The following ATP2B2 variants were observed in gnomAD, a reference collection of about 807,000 sequenced individuals.
ATP2B2 encodes the protein plasma membrane calcium-transporting ATPase 2.
Under a neutral mutation model 120.0 loss-of-function variants are expected in ATP2B2, and 15 were observed. That is an observed-to-expected ratio of 0.12 (90% CI 0.08 to 0.19). ATP2B2 has a LOEUF of 0.19. Ranked by LOEUF, ATP2B2 falls within the 10% of genes least tolerant of loss-of-function variation. The probability of loss-of-function intolerance (pLI) is 1.00; values close to 1 mark genes in which losing one functional copy is unlikely to be tolerated. For synonymous variants in ATP2B2, 694 were observed against 700.3 expected (o/e 0.99, Z 0.14); for missense variants, 1,045 against 1,719.8 (o/e 0.61, Z 6.94).
chr3:10,527,229 T>C (rs941565157), intron 3 of ATP2B2, among the ~76,000 whole-genome samples: 2 of 152,178 alleles, frequency 1.3e-5, no homozygotes, highest in African/African-American at 4.8e-5. Flanking sequence ...AGGGGGCAGC[T>C]CAGAGCTAGC....
intron 1 of ATP2B2, among the ~76,000 whole-genome samples, chr3:10,501,371 CGG>C (rs1491477731): frequency 0.057 from 6,655 of 117,008 alleles, 552 homozygotes; most frequent in African/African-American, 0.19. Flanking sequence ...ATTTTTTAAA[CGG>C]TTTTTTTTTT....
In ATP2B2 at chr3:10,401,593, G is replaced by C. The variant is rs572117864; in HGVS notation, c.655+498C>G. On this transcript the variant is annotated intron_variant, in intron 4 of 22. Transcript: ENST00000360273. ...ACATATCTGGCTCAAACTCCCTTTG[G>C]TGCCAGCCTGCCCGTTTTCTCCATG... Among the ~76,000 whole-genome samples the C allele has an allele frequency of 7.2e-5, 11 of 152,232 alleles. No individual in the cohort carries two copies. In the East Asian group the frequency reaches 2.1e-3, roughly 29 times the overall value.
At chr3:10,476,384 A>G (rs191272370) in intron 1 of ATP2B2, among the ~76,000 whole-genome samples, 352 of 152,384 alleles carry the variant, frequency 2.3e-3, no homozygotes, top group Admixed American at 4.0e-3. Flanking sequence ...AAGGCCTAGT[A>G]GGACCAAGTC....
chr3:10,416,039 C>G (rs1156259197), intron 2 of ATP2B2, among the ~76,000 whole-genome samples: 2 of 152,144 alleles, frequency 1.3e-5, no homozygotes, highest in Non-Finnish European at 2.9e-5. Flanking sequence ...GCTGGGGAAA[C>G]CCAAGCACAG....
intron 6 of ATP2B2, among the ~76,000 whole-genome samples, chr3:10,386,844 A>T (rs983532629): frequency 5.9e-5 from 9 of 152,174 alleles, no homozygotes. Context: ...ATCTCACAGG[A>T]GTGCAGGTGC....
chr3:10,379,061 A>G (rs2061457475), intron 9 of ATP2B2, among the ~76,000 whole-genome samples, 182 bp downstream of exon 9: 1 of 152,074 alleles, frequency 6.6e-6, no homozygotes, highest in Non-Finnish European at 1.5e-5. Flanking sequence ...TCACCGGTGG[A>G]CACCTCTTTA....
intron 3 of ATP2B2, among the ~76,000 whole-genome samples, chr3:10,529,048 AG>A (rs1401008426): frequency 6.6e-6 from 1 of 152,232 alleles, no homozygotes; most frequent in Non-Finnish European, 1.5e-5. Flanking sequence ...ATCCCAGCCA[AG>A]CGGGGGTGAT....
chr3:10,693,361 T>A (rs2071697819), intron 1 of ATP2B2, among the ~76,000 whole-genome samples: 1 of 152,188 alleles, frequency 6.6e-6, no homozygotes, highest in Admixed American at 6.5e-5. Flanking sequence ...TCTACTCTTT[T>A]CCCTAGCAGA....
rs758884069 is a variant in ATP2B2 at position 10,328,907 on chromosome 3, G to A, written c.3639C>T (p.Ile1213=). ...PSSLNKNNSA[I]DSGINLTTDT... Reference sequence around the variant, plus strand: ...CGGTCGTCAGGTTGATCCCACTGTCGATGGCGCTGTTGTTCTTGTTGAGGG... The same window carrying A: ...CGGTCGTCAGGTTGATCCCACTGTCAATGGCGCTGTTGTTCTTGTTGAGGG... The change falls in exon 23 of 23, where the codon ATC becomes ATT. Residue 1213 remains isoleucine (I), a synonymous_variant. Coordinates refer to ENST00000360273, the MANE Select transcript of ATP2B2 (RefSeq NM_001001331.4). 37 of 1,613,800 alleles carry A rather than the reference G, an allele frequency of 2.3e-5. No individual in the cohort carries two copies. The highest frequency in any genetic ancestry group is 6.7e-5 in the African/African-American group (5 of 74,826).
chr3:10,616,284 C>T (rs2069383832), intron 2 of ATP2B2, among the ~76,000 whole-genome samples: 1 of 152,200 alleles, frequency 6.6e-6, no homozygotes, highest in African/African-American at 2.4e-5. Flanking sequence ...CTTATTCAAT[C>T]TGACTGGTGT....
chr3:10,350,722 C>T, intron 14 of ATP2B2, 145 bp from the exon 15 acceptor site: 2 of 830,888 alleles, frequency 2.4e-6, no homozygotes, highest in Non-Finnish European at 3.7e-6. Context: ...ACGCACATGG[C>T]ATATGGGCCA....
intron 3 of ATP2B2, among the ~76,000 whole-genome samples, chr3:10,533,809 A>G (rs1410939462): frequency 6.6e-6 from 1 of 152,110 alleles, no homozygotes; most frequent in African/African-American, 2.4e-5. Context: ...TTCCTCCTCC[A>G]CAGTCTACAC....
intron 2 of ATP2B2, among the ~76,000 whole-genome samples, chr3:10,420,628 C>T (rs1454019149): frequency 2.0e-5 from 3 of 152,238 alleles, no homozygotes; most frequent in Non-Finnish European, 4.4e-5. Flanking sequence ...TCCCAAAGTG[C>T]TGGGATTACA....
Position 10,328,628 on chromosome 3 carries a change from G to C in ATP2B2, c.*186C>G. ...GCCCCTTGCCTTGAAGTGAAAAAGA[G>C]TTCAAACAGCATCGCAGCCAGAGAA... On this transcript the variant is annotated 3_prime_UTR_variant, in exon 23 of 23. Transcript: ENST00000360273. 1.5e-6 allele frequency: 1 copy of C among 663,212 alleles called. No homozygotes were observed. The highest frequency in any genetic ancestry group is 2.5e-6 in the Non-Finnish European group (1 of 397,680). 41.1% of individuals were successfully genotyped at this position (663,212 alleles called of 1,614,324 possible).
rs71055819 is a variant in ATP2B2 at position 10,440,100 on chromosome 3, TAAAAAAAAAAAAA to T, written c.199+9232_199+9244del. On this transcript the variant is annotated intron_variant, in intron 2 of 22. Coordinates refer to ENST00000360273, the MANE Select transcript of ATP2B2 (RefSeq NM_001001331.4). ...CTGGGCAACAGAGTGAGACTCTATC[TAAAAAAAAAAAAA>T]AAAAAAAAAAAAAAAAAGGAGTGTC... is the stretch of plus-strand genomic sequence containing the variant. Among the ~76,000 whole-genome samples, 177 of 28,170 alleles carry T rather than the reference TAAAAAAAAAAAAA, an allele frequency of 6.3e-3. 1 individual carries two copies. Among genetic ancestry groups the T allele is most frequent in the Non-Finnish European group, 9.1e-3 (153 of 16,782 alleles). The allele number at this position is 28,170 out of a possible 152,430, so 18.5% of individuals were successfully genotyped here.
At chr3:10,371,347 T>C (rs1414666662) in intron 12 of ATP2B2, among the ~76,000 whole-genome samples, 1 of 152,218 alleles carries the variant, frequency 6.6e-6, no homozygotes, top group Non-Finnish European at 1.5e-5. Context: ...CCTACAGTTC[T>C]GCCAAGATCA....
chr3:10,672,561 C>T (rs1248425565), intron 1 of ATP2B2, among the ~76,000 whole-genome samples: 5 of 152,220 alleles, frequency 3.3e-5, no homozygotes, highest in East Asian at 1.9e-4. Context: ...CTAATTATTA[C>T]GCATGCCATT....
chr3:10,374,461 A>G (rs1227997372), intron 11 of ATP2B2, among the ~76,000 whole-genome samples: 2 of 152,182 alleles, frequency 1.3e-5, no homozygotes, highest in Non-Finnish European at 2.9e-5. Context: ...CAGCTTGGAA[A>G]CTGATGCTCA....
chr3:10,649,414 T>C (rs2070396080), intron 1 of ATP2B2, among the ~76,000 whole-genome samples: 1 of 152,222 alleles, frequency 6.6e-6, no homozygotes, highest in Non-Finnish European at 1.5e-5. Context: ...GTCTGCCCTC[T>C]GCTCACCCCC....
Sources: gnomAD v4.1 joint callset for allele counts (sites outside exome capture counted in the v4.1 genomes callset) on GRCh38, gnomAD v4.1.1 for gene constraint, MANE v1.5 for transcripts, NCBI Gene and HGNC (gene_info 2026-07-23, HGNC 2026-07-21) for gene names.